CHRNA3: variants seen among roughly 807,000 people sequenced by gnomAD.
CHRNA3 encodes the protein neuronal acetylcholine receptor subunit alpha-3.
Under a neutral mutation model 41.9 loss-of-function variants are expected in CHRNA3, and 34 were observed. The observed-to-expected ratio is 0.81, with a 90% confidence interval of 0.62 to 1.08. The LOEUF is 1.08. Among genes scored for constraint, CHRNA3 ranks in the 50% least tolerant of loss-of-function variants. The pLI, the probability that CHRNA3 is intolerant of heterozygous loss-of-function variation, is 0.00. For missense variants in CHRNA3, 542 were observed against 638.3 expected (o/e 0.85, Z 1.63); for synonymous variants, 281 against 265.2 (o/e 1.06, Z -0.58).
Position 78,595,345 on chromosome 15 carries a change from CTAGTGAGACAAGATTCA to C in CHRNA3, c.*1242_*1258del. The C allele has an allele frequency of 1.0e-6, 1 of 965,768 alleles. No individual in the cohort carries two copies. The highest frequency in any genetic ancestry group is 1.2e-6 in the Non-Finnish European group (1 of 825,060). 59.8% of individuals were successfully genotyped at this position (965,768 alleles called of 1,614,324 possible). A position where few individuals can be genotyped will look rare whatever the true frequency, so the allele number is the denominator to read the frequency against. On this transcript the variant is annotated 3_prime_UTR_variant, in exon 6 of 6. Coordinates refer to ENST00000326828, the MANE Select transcript of CHRNA3 (RefSeq NM_000743.5). The stretch of plus-strand genomic sequence containing the variant: ...CCATTTTATTTTTGCACAGGAAAAA[CTAGTGAGACAAGATTCA>C]AACAGTCTCTGTGAATCATCTGTCA...
At chr15:78,598,049 C>G (rs149667851) in intron 5 of CHRNA3, among the ~76,000 whole-genome samples, 239 of 152,246 alleles carry the variant, frequency 1.6e-3, no homozygotes, top group African/African-American at 5.5e-3. Flanking sequence ...CTACCCACCC[C>G]CTACCAGCCA....
chr15:78,617,679 C>T (rs2053484777), intron 3 of CHRNA3, among the ~76,000 whole-genome samples: 1 of 152,180 alleles, frequency 6.6e-6, no homozygotes, highest in Non-Finnish European at 1.5e-5. Context: ...GAGGCTGCGG[C>T]CACAGAGGGA....
In CHRNA3 at chr15:78,601,374, G is replaced by A. The variant is rs551101196; in HGVS notation, c.1268C>T (p.Ser423Phe). 1 of 1,614,210 alleles carries A rather than the reference G, an allele frequency of 6.2e-7. No individual in the cohort carries two copies. The highest frequency in any genetic ancestry group is 1.1e-5 in the South Asian group (1 of 91,088). The part of the protein sequence containing the change: ...SNFSANLTRS[S>F]SSESVDAVLS... ...CACAGCATCAACAGATTCAGAACTAGAGCTTCTCGTGAGGTTAGCACTGAA... is the reference window on the plus strand; with the variant it reads ...CACAGCATCAACAGATTCAGAACTAAAGCTTCTCGTGAGGTTAGCACTGAA... The change falls in exon 5 of 6, where the codon TCT becomes TTT. Residue 423 changes from serine (S) to phenylalanine (F), a missense_variant. Coordinates refer to ENST00000326828, the MANE Select transcript of CHRNA3 (RefSeq NM_000743.5).
rs1223271222 is a variant in CHRNA3, at chr15:78,617,091, C to T, written c.310G>A (p.Gly104Ser). The T allele has an allele frequency of 6.2e-7, 1 of 1,613,888 alleles. No homozygotes were observed. Among genetic ancestry groups the T allele is most frequent in the Non-Finnish European group, 8.5e-7 (1 of 1,179,894 alleles). The stretch of plus-strand genomic sequence containing the variant: ...GGGACACGCATGAACTCTGCCCCAC[C>T]ATAGTCAGAGGGGTTCCATTTCAGC... ...YKLKWNPSDY[G>S]GAEFMRVPAQ... Residue 104 changes from glycine to serine, a missense_variant, in exon 4 of 6, where the codon GGT becomes AGT. Coordinates refer to ENST00000326828, the MANE Select transcript of CHRNA3 (RefSeq NM_000743.5).
In CHRNA3 at chr15:78,617,016, C is replaced by T. The variant is rs71581741; in HGVS notation, c.377+8G>A. On this transcript the variant is annotated splice_region_variant and intron_variant, in intron 4 of 5. Coordinates refer to ENST00000326828, the MANE Select transcript of CHRNA3 (RefSeq NM_000743.5). ...CCCTGAGAGGGCGTGGGCCCCCCAGCACCTTACTTGTTATACAGCACAATG... is the reference window on the plus strand; with the variant it reads ...CCCTGAGAGGGCGTGGGCCCCCCAGTACCTTACTTGTTATACAGCACAATG... 2 of 1,604,454 alleles carry T rather than the reference C, an allele frequency of 1.2e-6. No homozygotes were observed. Among genetic ancestry groups the T allele is most frequent in the Admixed American group, 3.3e-5 (2 of 59,826 alleles).
chr15:78,608,164 G>T (rs2053326665), intron 4 of CHRNA3, among the ~76,000 whole-genome samples: 1 of 152,232 alleles, frequency 6.6e-6, no homozygotes, highest in Non-Finnish European at 1.5e-5. Context: ...CAAACAAAAA[G>T]ACAGCAGTAA....
chr15:78,604,190 T>C (rs2053248435), intron 4 of CHRNA3, among the ~76,000 whole-genome samples: 1 of 152,208 alleles, frequency 6.6e-6, no homozygotes, highest in African/African-American at 2.4e-5. Flanking sequence ...TATCTATAGC[T>C]ACTTTTGAGC....
chr15:78,605,079 C>T (rs181917571), intron 4 of CHRNA3, among the ~76,000 whole-genome samples: 69 of 151,872 alleles, frequency 4.5e-4, no homozygotes, highest in Non-Finnish European at 1.3e-4. Flanking sequence ...AGGGTCTGAG[C>T]AATGTACTGC....
intron 4 of CHRNA3, among the ~76,000 whole-genome samples, chr15:78,605,428 GA>G (rs1337761715): frequency 1.3e-5 from 2 of 152,146 alleles, no homozygotes; most frequent in Admixed American, 1.3e-4. Context: ...GCAGCCGGGG[GA>G]AAAGAAAGAA....
In CHRNA3 at chr15:78,600,875, T is replaced by TAA. The variant is rs201833292; in HGVS notation, c.1389+376_1389+377dup. 9.8e-3 allele frequency among the ~76,000 whole-genome samples: 1,494 copies of TAA among 151,952 alleles called. 8 individuals carry two copies. The highest frequency in any genetic ancestry group is 0.016 in the Admixed American group (247 of 15,242). ...AGAGCAGGACCCTGTCTCAAAAAAATAAATAAAAATAAAAATATAACCTCA... is the reference window on the plus strand; with the variant it reads ...AGAGCAGGACCCTGTCTCAAAAAAATAAAAATAAAAATAAAAATATAACCTCA... On this transcript the variant is annotated intron_variant, in intron 5 of 5. Coordinates refer to ENST00000326828, the MANE Select transcript of CHRNA3 (RefSeq NM_000743.5).
At position 78,620,817 on chromosome 15, in the gene CHRNA3, G is replaced by A; in HGVS notation, c.-23C>T. On this transcript the variant is annotated 5_prime_UTR_variant, in exon 1 of 6. Coordinates refer to ENST00000326828, the MANE Select transcript of CHRNA3 (RefSeq NM_000743.5). ...CATGGCTGGTGGCCGGGCTGGCCGC[G>A]GACCCGGACGGTCGGGAGCGGGCGC... The A allele has an allele frequency of 3.6e-6, 5 of 1,381,292 alleles. No individual in the cohort carries two copies. The highest frequency in any genetic ancestry group is 4.6e-6 in the Non-Finnish European group (5 of 1,076,986). 85.6% of individuals were successfully genotyped at this position (1,381,292 alleles called of 1,614,324 possible).
chr15:78,615,883 G>C (rs977874935), intron 4 of CHRNA3, among the ~76,000 whole-genome samples: 1 of 151,140 alleles, frequency 6.6e-6, no homozygotes, highest in African/African-American at 2.4e-5. Context: ...TGGGATTACA[G>C]GCACACGCCA....
intron 4 of CHRNA3, among the ~76,000 whole-genome samples, chr15:78,613,751 C>A (rs1223306070): frequency 7.9e-6 from 1 of 126,502 alleles, no homozygotes; most frequent in Admixed American, 9.6e-5. Context: ...AACTGTAAAG[C>A]AGTGGCAAAC....
chr15:78,617,787 C>T (rs1051705317), intron 3 of CHRNA3, among the ~76,000 whole-genome samples: 2 of 152,164 alleles, frequency 1.3e-5, no homozygotes, highest in Non-Finnish European at 2.9e-5. Context: ...GCTGGCCAGG[C>T]TGGCAGAAGG....
intron 3 of CHRNA3, 133 bp downstream of exon 3, chr15:78,618,484 G>A: frequency 1.0e-6 from 1 of 966,076 alleles, no homozygotes; most frequent in Non-Finnish European, 1.6e-6. Flanking sequence ...AGATATATCT[G>A]CCAGTCAGTG....
At chr15:78,611,768 G>A (rs1284871824) in intron 4 of CHRNA3, among the ~76,000 whole-genome samples, 1 of 151,920 alleles carries the variant, frequency 6.6e-6, no homozygotes, top group Admixed American at 6.6e-5. Context: ...TAGGAAAAGA[G>A]GAAGTCAAAT....
At chr15:78,593,098 G>A (rs2141426913), downstream of CHRNA3, 2 of 1,604,300 alleles carry the variant, frequency 1.2e-6, no homozygotes, top group Non-Finnish European at 1.7e-6. Flanking sequence ...ACAGGTTGTT[G>A]AAGATTGGAA....
In CHRNA3 at chr15:78,595,419, T is replaced by C; in HGVS notation, c.*1185A>G. On this transcript the variant is annotated 3_prime_UTR_variant, in exon 6 of 6. Transcript: ENST00000326828. The stretch of plus-strand genomic sequence containing the variant: ...ATGATCACGTTAAGTTTCAGAAGTG[T>C]AGTACATGATACTCTTAACAATTTG... 2.0e-6 allele frequency: 2 copies of C among 985,164 alleles called. No individual in the cohort carries two copies. Among genetic ancestry groups the C allele is most frequent in the Non-Finnish European group, 2.4e-6 (2 of 829,686 alleles). 61.0% of individuals were successfully genotyped at this position (985,164 alleles called of 1,614,324 possible).
At chr15:78,610,889 A>C (rs2053369811) in intron 4 of CHRNA3, among the ~76,000 whole-genome samples, 1 of 152,234 alleles carries the variant, frequency 6.6e-6, no homozygotes, top group African/African-American at 2.4e-5. Context: ...TAAAGGGGAT[A>C]TCACCACCGA....
Sources: gnomAD v4.1 joint callset for allele counts (sites outside exome capture counted in the v4.1 genomes callset) on GRCh38, gnomAD v4.1.1 for gene constraint, MANE v1.5 for transcripts, NCBI Gene and HGNC (gene_info 2026-07-23, HGNC 2026-07-21) for gene names.